TTBK1: variants seen among roughly 807,000 people sequenced by gnomAD.
The protein encoded by TTBK1 is tau tubulin kinase 1, also known as tau-tubulin kinase 1.
A neutral mutation model predicts 108.5 loss-of-function variants in TTBK1; 34 were observed. The ratio of observed to expected loss-of-function variants is 0.31; its 90% CI spans 0.24 to 0.42. The LOEUF (loss-of-function observed/expected upper bound fraction) is 0.42. Among genes scored for constraint, TTBK1 ranks in the 10% least tolerant of loss-of-function variants. The probability of loss-of-function intolerance (pLI) is 1.00; values close to 1 mark genes in which losing one functional copy is unlikely to be tolerated. For synonymous variants in TTBK1, 809 were observed against 795.1 expected (o/e 1.02, Z -0.29); for missense variants, 1,539 against 1,826.0 (o/e 0.84, Z 2.86).
At position 43,257,542 on chromosome 6, in the gene TTBK1, T is replaced by G. The variant is rs566649710; in HGVS notation, c.862-270T>G. ...GACATGGTGGAAATGGCAGAGGAGGTTTGAAGATGGTAACCAGGGGACAGA... is the reference window on the plus strand; with the variant it reads ...GACATGGTGGAAATGGCAGAGGAGGGTTGAAGATGGTAACCAGGGGACAGA... On this transcript the variant is annotated intron_variant, in intron 9 of 14. Coordinates refer to ENST00000259750, the MANE Select transcript of TTBK1 (RefSeq NM_032538.3). The surrounding 1 kb of genome is among the most constrained non-coding windows in gnomAD (Gnocchi z 4.5). Among the ~76,000 whole-genome samples the G allele has an allele frequency of 3.5e-4, 53 of 152,058 alleles. No homozygotes were observed. Among genetic ancestry groups the G allele is most frequent in the African/African-American group, 1.2e-3 (51 of 41,482 alleles).
intron 12 of TTBK1, among the ~76,000 whole-genome samples, chr6:43,261,500 ATG>A (rs1214404687): frequency 6.6e-6 from 1 of 152,190 alleles, no homozygotes; most frequent in Non-Finnish European, 1.5e-5. Context: ...TCTGAAAGTA[ATG>A]TGAGATTCAC....
At chr6:43,264,531 C>A (rs1777627265) in intron 13 of TTBK1, among the ~76,000 whole-genome samples, 1 of 152,094 alleles carries the variant, frequency 6.6e-6, no homozygotes, top group South Asian at 2.1e-4. Flanking sequence ...GGTGATGTTA[C>A]CCAAAAGGAC....
rs564388125 is a variant in TTBK1 at position 43,257,438 on chromosome 6, C to T, written c.862-374C>T. On this transcript the variant is annotated intron_variant, in intron 9 of 14. Transcript: ENST00000259750. The surrounding 1 kb of genome is among the most constrained non-coding windows in gnomAD (Gnocchi z 4.5). Reference sequence around the variant, plus strand: ...GAGAGGAGAGGATGAGTGGGAGGGGCGCCCCAGCAGAGGGGCAGTCTGTGC... The same window carrying T: ...GAGAGGAGAGGATGAGTGGGAGGGGTGCCCCAGCAGAGGGGCAGTCTGTGC... Among the ~76,000 whole-genome samples the T allele has an allele frequency of 5.3e-5, 8 of 152,136 alleles. No individual in the cohort carries two copies. The East Asian group carries it at 7.7e-4, about 15-fold the overall frequency.
intron 1 of TTBK1, among the ~76,000 whole-genome samples, chr6:43,246,271 A>G (rs560702107): frequency 6.6e-6 from 1 of 152,226 alleles, no homozygotes; most frequent in Admixed American, 6.5e-5. Flanking sequence ...CCTCCCCTAC[A>G]AGGGAAAGGG....
Position 43,269,662 on chromosome 6 carries a change from C to T in TTBK1, c.1986+6312C>T, listed in dbSNP as rs765980032. ...TTTCAGTTGGAGGAGGACAGACTCTCGGGGCACTCCCTCCCGCGGTACAGC... is the reference window on the plus strand; with the variant it reads ...TTTCAGTTGGAGGAGGACAGACTCTTGGGGCACTCCCTCCCGCGGTACAGC... On this transcript the variant is annotated intron_variant, in intron 13 of 14. Coordinates refer to ENST00000259750, the MANE Select transcript of TTBK1 (RefSeq NM_032538.3). The surrounding 1 kb of genome is among the most constrained non-coding windows in gnomAD (Gnocchi z 4.8). 1.2e-6 allele frequency: 2 copies of T among 1,611,158 alleles called. No homozygotes were observed. Among genetic ancestry groups the T allele is most frequent in the Admixed American group, 3.3e-5 (2 of 59,998 alleles).
At chr6:43,260,942 AAC>A (rs747858530) in intron 12 of TTBK1, among the ~76,000 whole-genome samples, 439 of 150,876 alleles carry the variant, frequency 2.9e-3, no homozygotes, top group African/African-American at 9.8e-3. Context: ...CACACATGCA[AAC>A]ACACACACAC....
chr6:43,247,018 C>G (rs781692407), intron 2 of TTBK1, among the ~76,000 whole-genome samples: 3 of 152,154 alleles, frequency 2.0e-5, no homozygotes, highest in Non-Finnish European at 2.9e-5. Flanking sequence ...CAGGCCAAGC[C>G]CGGAACAACT....
chr6:43,254,490 T>C, intron 5 of TTBK1, 57 bp from the exon 6 acceptor site: 2 of 1,283,328 alleles, frequency 1.6e-6, no homozygotes, highest in South Asian at 3.0e-5. Context: ...TGGTGCCCCT[T>C]GAGGTGGCCC....
At chr6:43,279,758 TTTGTTGTTG>T (rs111607015) in intron 13 of TTBK1, among the ~76,000 whole-genome samples, 5 of 150,886 alleles carry the variant, frequency 3.3e-5, no homozygotes, top group Non-Finnish European at 5.9e-5. Context: ...GACAAAGTTT[TTTGTTGTTG>T]TTGTTGTTGT....
Position 43,284,246 on chromosome 6 carries a change from C to T in TTBK1, c.3506C>T (p.Ala1169Val), listed in dbSNP as rs1778290593. 1 of 1,595,226 alleles carries T rather than the reference C, an allele frequency of 6.3e-7. No individual in the cohort carries two copies. The highest frequency in any genetic ancestry group is 8.5e-7 in the Non-Finnish European group (1 of 1,177,410). ...PIGLRMPMPV[A>V]AQQPASRSHG... ...GGCCTCCGCATGCCCATGCCTGTTG[C>T]AGCCCAGCAGCCCGCCAGCAGATCC... Residue 1169 changes from alanine (A) to valine (V), a missense_variant, in exon 14 of 15, where the codon GCA (alanine) becomes GTA (valine). Coordinates refer to ENST00000259750, the MANE Select transcript of TTBK1 (RefSeq NM_032538.3).
chr6:43,244,077 T>C (rs1357923056), intron 1 of TTBK1, among the ~76,000 whole-genome samples: 1 of 152,064 alleles, frequency 6.6e-6, no homozygotes, highest in Non-Finnish European at 1.5e-5. Context: ...CCTGCCTTCT[T>C]ACCTACTTCC....
intron 2 of TTBK1, among the ~76,000 whole-genome samples, chr6:43,249,778 T>C (rs1297826723): frequency 6.6e-6 from 1 of 152,116 alleles, no homozygotes; most frequent in Non-Finnish European, 1.5e-5. Flanking sequence ...GGTTTCACCA[T>C]GTTGGCCAGG....
In TTBK1 at chr6:43,269,665, G is replaced by T. The variant is rs763955382; in HGVS notation, c.1986+6315G>T. On this transcript the variant is annotated intron_variant, in intron 13 of 14. Coordinates refer to ENST00000259750, the MANE Select transcript of TTBK1 (RefSeq NM_032538.3). This position sits in a 1 kb window ranked among gnomAD's most constrained non-coding sequence, Gnocchi z 4.8. ...CAGTTGGAGGAGGACAGACTCTCGG[G>T]GCACTCCCTCCCGCGGTACAGCCCC... The T allele has an allele frequency of 3.9e-5, 63 of 1,611,106 alleles. No homozygotes were observed. Among genetic ancestry groups the T allele is most frequent in the Non-Finnish European group, 5.2e-5 (61 of 1,179,384 alleles).
chr6:43,285,278 G>A lies in TTBK1; in HGVS notation c.3868G>A (p.Gly1290Arg), dbSNP rs1778342024. 14 of 1,288,812 alleles carry A rather than the reference G, an allele frequency of 1.1e-5. No individual in the cohort carries two copies. Among genetic ancestry groups the A allele is most frequent in the African/African-American group, 1.5e-5 (1 of 64,558 alleles). 79.8% of individuals were successfully genotyped at this position (1,288,812 alleles called of 1,614,324 possible). Residue 1290 changes from glycine to arginine, a missense_variant, in exon 15 of 15, where the codon GGG (glycine) becomes AGG (arginine). Physicochemically the swap from Gly to Arg is moderately radical, Grantham distance 125. Transcript: ENST00000259750. This position sits in a 1 kb window ranked among gnomAD's most constrained non-coding sequence, Gnocchi z 4.7. ...CCAGCCTGATGGCACCCCCTCCCCCGGGGGCTCCAAGAAAGGACCCAGAGG... is the reference window on the plus strand; with the variant it reads ...CCAGCCTGATGGCACCCCCTCCCCCAGGGGCTCCAAGAAAGGACCCAGAGG... ...RAQPDGTPSP[G>R]GSKKGPRGKL...
intron 1 of TTBK1, among the ~76,000 whole-genome samples, chr6:43,246,351 C>T (rs1401497123): frequency 2.6e-5 from 4 of 152,232 alleles, no homozygotes; most frequent in Admixed American, 6.5e-5. Context: ...TCTCTCCCCT[C>T]GGCCTGTTCA....
chr6:43,258,977 G>C lies in TTBK1; in HGVS notation c.1017-61G>C, dbSNP rs1582487064. 11 of 1,311,104 alleles carry C rather than the reference G, an allele frequency of 8.4e-6. No homozygotes were observed. The East Asian group carries it at 2.6e-4, about 31-fold the overall frequency. 81.2% of individuals were successfully genotyped at this position (1,311,104 alleles called of 1,614,324 possible). A position where few individuals can be genotyped will look rare whatever the true frequency, so the allele number is the denominator to read the frequency against. Reference sequence around the variant, plus strand: ...TCCAGGTCTGTGCTGGTAGGAGAGGGCCATGGAAGGAGAGGGCACCCCTGC... The same window carrying C: ...TCCAGGTCTGTGCTGGTAGGAGAGGCCCATGGAAGGAGAGGGCACCCCTGC... On this transcript the variant is annotated intron_variant, in intron 10 of 14. Coordinates refer to ENST00000259750, the MANE Select transcript of TTBK1 (RefSeq NM_032538.3).
chr6:43,284,154 G>T lies in TTBK1; in HGVS notation c.3414G>T (p.Pro1138=), dbSNP rs765046259. 26 of 1,548,550 alleles carry T rather than the reference G, an allele frequency of 1.7e-5. No individual in the cohort carries two copies. In the African/African-American group the frequency reaches 3.0e-4, roughly 18 times the overall value. Residue 1138 remains proline (P), a synonymous_variant, in exon 14 of 15, where the codon CCG becomes CCT. Coordinates refer to ENST00000259750, the MANE Select transcript of TTBK1 (RefSeq NM_032538.3). ...GSEEDTPASE[P]AAALPRKSGR... ...AGGAGGACACGCCCGCCTCTGAGCCGGCAGCGGCCTTGCCCAGGAAGAGCG... is the reference window on the plus strand; with the variant it reads ...AGGAGGACACGCCCGCCTCTGAGCCTGCAGCGGCCTTGCCCAGGAAGAGCG...
At chr6:43,260,816 T>A (rs1777521273) in intron 12 of TTBK1, among the ~76,000 whole-genome samples, 1 of 151,850 alleles carries the variant, frequency 6.6e-6, no homozygotes, top group South Asian at 2.1e-4. Context: ...CAGCAGAGGG[T>A]CTGGATGGGC....
At position 43,254,683 on chromosome 6, in the gene TTBK1, A is replaced by G. The variant is rs772738131; in HGVS notation, c.576+32A>G. The stretch of plus-strand genomic sequence containing the variant: ...ACCGTCGGGGCGGGGAGGACAGTGG[A>G]GGACTCCCCCCTACTCCCAGATCTG... On this transcript the variant is annotated intron_variant, in intron 6 of 14. Transcript: ENST00000259750. 7.5e-5 allele frequency: 113 copies of G among 1,501,484 alleles called. 1 individual carries two copies. In the East Asian group the frequency reaches 2.3e-3, roughly 30 times the overall value. The allele number at this position is 1,501,484 out of a possible 1,614,324, so 93.0% of individuals were successfully genotyped here. A position where few individuals can be genotyped will look rare whatever the true frequency, so the allele number is the denominator to read the frequency against.
Sources: gnomAD v4.1 joint callset for allele counts (sites outside exome capture counted in the v4.1 genomes callset) on GRCh38, gnomAD v4.1.1 for gene constraint, Gnocchi (gnomAD v3.1) non-coding constraint, MANE v1.5 for transcripts, NCBI Gene and HGNC (gene_info 2026-07-23, HGNC 2026-07-21) for gene names.